GPC5: variants seen among roughly 807,000 people sequenced by gnomAD.
GPC5 encodes glypican-5.
Under a neutral mutation model 53.9 loss-of-function variants are expected in GPC5, and 47 were observed. The ratio of observed to expected loss-of-function variants is 0.87; its 90% CI spans 0.69 to 1.11. The LOEUF (loss-of-function observed/expected upper bound fraction) is 1.11. Among genes scored for constraint, GPC5 ranks in the 50% most tolerant of loss-of-function variants. The pLI is 0.00. For missense variants in GPC5, 748 were observed against 713.1 expected, an observed-to-expected ratio of 1.05 and a Z score of -0.56; for synonymous variants, 286 against 263.3, an observed-to-expected ratio of 1.09 and a Z score of -0.84.
intron 7 of GPC5, among the ~76,000 whole-genome samples, chr13:92,186,789 C>T (rs2042187070): frequency 6.6e-6 from 1 of 152,054 alleles, no homozygotes; most frequent in African/African-American, 2.4e-5. Context: ...AATGCATATA[C>T]AAGTATGTTT....
chr13:91,682,834 G>A (rs1281224756), intron 2 of GPC5, among the ~76,000 whole-genome samples: 1 of 152,238 alleles, frequency 6.6e-6, no homozygotes, highest in East Asian at 1.9e-4. Context: ...CAAAATTGAT[G>A]CTTAGAGAGG....
intron 7 of GPC5, among the ~76,000 whole-genome samples, chr13:92,167,132 G>A (rs2042037443): frequency 6.6e-6 from 1 of 152,088 alleles, no homozygotes. Context: ...TATACAAAAA[G>A]TCTTACATCT....
intron 7 of GPC5, among the ~76,000 whole-genome samples, chr13:92,785,832 TTTCCTTTCTAAGATGAA>T (rs1243930054): frequency 1.3e-5 from 2 of 152,220 alleles, no homozygotes; most frequent in African/African-American, 4.8e-5. Context: ...GCCTCCGTTT[TTTCCTTTCTAAGATGAA>T]GGTGCTCATA....
intron 5 of GPC5, among the ~76,000 whole-genome samples, chr13:91,791,917 T>C (rs1443193604): frequency 6.6e-6 from 1 of 152,242 alleles, no homozygotes; most frequent in East Asian, 1.9e-4. Flanking sequence ...AATACGTATG[T>C]ATATTCATAA....
rs1277712430 is a variant in GPC5 at position 92,754,887 on chromosome 13, T to A, written c.1562-111395T>A. Among the ~76,000 whole-genome samples, 275 of 147,240 alleles carry A rather than the reference T, an allele frequency of 1.9e-3. 1 individual carries two copies. The highest frequency in any genetic ancestry group is 6.7e-3 in the African/African-American group (270 of 40,022). Reference sequence around the variant, plus strand: ...CTCCCACACATTAATAATGGGAGACTTTAACACCCCACTGTCAACATTAGA... The same window carrying A: ...CTCCCACACATTAATAATGGGAGACATTAACACCCCACTGTCAACATTAGA... On this transcript the variant is annotated intron_variant, in intron 7 of 7. Coordinates refer to ENST00000377067, the MANE Select transcript of GPC5 (RefSeq NM_004466.6).
At chr13:92,357,366 T>A (rs553474404) in intron 7 of GPC5, among the ~76,000 whole-genome samples, 2 of 151,914 alleles carry the variant, frequency 1.3e-5, no homozygotes, top group South Asian at 4.1e-4. Context: ...CTCTGCAACC[T>A]AACTAGCATC....
At chr13:91,766,127 A>G (rs1287987382) in intron 5 of GPC5, among the ~76,000 whole-genome samples, 1 of 152,364 alleles carries the variant, frequency 6.6e-6, no homozygotes, top group East Asian at 1.9e-4. Flanking sequence ...AGACTAGGAT[A>G]TAGAAGAGAA....
chr13:92,521,693 A>G (rs910165446), intron 7 of GPC5, among the ~76,000 whole-genome samples: 1 of 152,128 alleles, frequency 6.6e-6, no homozygotes, highest in Non-Finnish European at 1.5e-5. Context: ...AACCTAGGCA[A>G]TACCATTCAG....
At chr13:92,634,880 T>C (rs565742256) in intron 7 of GPC5, among the ~76,000 whole-genome samples, 21 of 152,034 alleles carry the variant, frequency 1.4e-4, no homozygotes, top group South Asian at 4.1e-4. Flanking sequence ...AGTTTCCTTA[T>C]AATGCTTTCT....
intron 7 of GPC5, chr13:92,709,626 A>G (rs1888070025): frequency 6.6e-6 from 1 of 152,192 alleles, no homozygotes; most frequent in South Asian, 2.1e-4. Flanking sequence ...GGTGCCACTT[A>G]GCACTTCTGC....
chr13:91,990,335 A>T, intron 6 of GPC5, among the ~76,000 whole-genome samples: 1 of 152,154 alleles, frequency 6.6e-6, no homozygotes, highest in East Asian at 1.9e-4. Flanking sequence ...TTCTCTGGCC[A>T]TGTGACAGAT....
At chr13:91,434,277 A>G (rs1454514323) in intron 1 of GPC5, among the ~76,000 whole-genome samples, 1 of 152,142 alleles carries the variant, frequency 6.6e-6, no homozygotes, top group African/African-American at 2.4e-5. Context: ...GTCCTTGCCC[A>G]TGCCTATGTC....
At chr13:92,188,896 T>C (rs1593976749) in intron 7 of GPC5, among the ~76,000 whole-genome samples, 1 of 152,166 alleles carries the variant, frequency 6.6e-6, no homozygotes, top group African/African-American at 2.4e-5. Context: ...TTAGCTCTGT[T>C]AGAGCAGTGA....
In GPC5 at chr13:91,756,321, A is replaced by T. The variant is rs1000475109; in HGVS notation, c.1181A>T (p.Tyr394Phe). Residue 394 changes from tyrosine to phenylalanine, a missense_variant, in exon 5 of 8, where the codon TAC (tyrosine) becomes TTC (phenylalanine). Tyr to Phe is a conservative substitution (Grantham distance 22). Coordinates refer to ENST00000377067, the MANE Select transcript of GPC5 (RefSeq NM_004466.6). ...GAATTTATCAACAGCCTTCGACTGT[A>T]CAGGTCATTCTATGGAGGTCTAGCT... is the stretch of plus-strand genomic sequence containing the variant. ...RKEFINSLRLYRSFYGGLADQ... is the reference protein window; with the variant it reads ...RKEFINSLRLFRSFYGGLADQ... 1 of 1,579,180 alleles carries T rather than the reference A, an allele frequency of 6.3e-7. No homozygotes were observed. Among genetic ancestry groups the T allele is most frequent in the Non-Finnish European group, 8.7e-7 (1 of 1,154,998 alleles).
chr13:92,710,992 C>G (rs1888119116), intron 7 of GPC5, among the ~76,000 whole-genome samples: 1 of 152,054 alleles, frequency 6.6e-6, no homozygotes, highest in Non-Finnish European at 1.5e-5. Context: ...ACTAATTATG[C>G]TGTAGTTAAA....
chr13:92,778,193 A>T (rs1257885838), intron 7 of GPC5, among the ~76,000 whole-genome samples: 6 of 152,170 alleles, frequency 3.9e-5, no homozygotes, highest in African/African-American at 1.4e-4. Flanking sequence ...CTGCCTAATA[A>T]CATGGTGATC....
chr13:92,329,898 A>T (rs1447713887), intron 7 of GPC5, among the ~76,000 whole-genome samples: 1 of 152,156 alleles, frequency 6.6e-6, no homozygotes, highest in Non-Finnish European at 1.5e-5. Flanking sequence ...AGAAAAGCAA[A>T]TTGTGCTCTC....
At chr13:92,695,885 T>C (rs1420013844) in intron 7 of GPC5, among the ~76,000 whole-genome samples, 2 of 151,988 alleles carry the variant, frequency 1.3e-5, no homozygotes, top group Non-Finnish European at 1.5e-5. Context: ...CGGTGTGTGG[T>C]GTTCCCCTCC....
chr13:92,029,745 A>G (rs1411898649), intron 6 of GPC5, among the ~76,000 whole-genome samples: 2 of 152,210 alleles, frequency 1.3e-5, no homozygotes, highest in Non-Finnish European at 2.9e-5. Flanking sequence ...CCTGAACTTC[A>G]AACACTTAGA....
Sources: allele counts gnomAD v4.1 joint callset (sites outside exome capture counted in the v4.1 genomes callset), GRCh38; gene constraint gnomAD v4.1.1; transcripts MANE v1.5; gene names NCBI Gene and HGNC (gene_info 2026-07-23, HGNC 2026-07-21).